The following STAG1 variants were observed in gnomAD, a reference collection of about 807,000 sequenced individuals.
STAG1 encodes the protein cohesin subunit SA-1.
Under a neutral mutation model 170.9 loss-of-function variants are expected in STAG1, and 26 were observed. The ratio of observed to expected loss-of-function variants is 0.15; its 90% CI spans 0.11 to 0.21. The LOEUF is 0.21. STAG1 is among the 10% of genes least tolerant of loss of function. The pLI is 1.00. For synonymous variants in STAG1, 514 were observed against 497.7 expected, an observed-to-expected ratio of 1.03 and a Z score of -0.44; for missense variants, 964 against 1,509.5, an observed-to-expected ratio of 0.64 and a Z score of 5.99.
chr3:136,734,921 T>C (rs867625779), intron 1 of STAG1, among the ~76,000 whole-genome samples: 5 of 152,214 alleles, frequency 3.3e-5, no homozygotes, highest in South Asian at 2.1e-4. Context: ...AAATACCTCA[T>C]GATCTCACTT....
At chr3:136,708,598 T>C (rs1252255882) in intron 1 of STAG1, among the ~76,000 whole-genome samples, 1 of 152,122 alleles carries the variant, frequency 6.6e-6, no homozygotes, top group East Asian at 1.9e-4. Flanking sequence ...TACTTCAAAA[T>C]GGTTAAATAT....
At chr3:136,603,612 C>T (rs911865240) in intron 4 of STAG1, among the ~76,000 whole-genome samples, 2 of 152,124 alleles carry the variant, frequency 1.3e-5, no homozygotes, top group South Asian at 2.1e-4. Context: ...TGGCCGGGCG[C>T]GGTGGCTCAC....
intron 21 of STAG1, among the ~76,000 whole-genome samples, chr3:136,416,562 G>A (rs920991820): frequency 2.0e-5 from 3 of 152,186 alleles, no homozygotes; most frequent in Non-Finnish European, 4.4e-5. Flanking sequence ...AGGATAAAAA[G>A]AATATCTTAA....
At chr3:136,387,920 C>A (rs1387844948) in intron 22 of STAG1, among the ~76,000 whole-genome samples, 2 of 152,134 alleles carry the variant, frequency 1.3e-5, no homozygotes, top group African/African-American at 2.4e-5. Context: ...ACTGTTAGGA[C>A]CAAAGTGAGA....
At chr3:136,612,157 T>C (rs1220542804) in intron 3 of STAG1, among the ~76,000 whole-genome samples, 1 of 152,126 alleles carries the variant, frequency 6.6e-6, no homozygotes, top group African/African-American at 2.4e-5. Context: ...TATGTGTGGA[T>C]TTTTTATATG....
intron 22 of STAG1, among the ~76,000 whole-genome samples, chr3:136,394,033 C>G (rs2108332308): frequency 6.6e-6 from 1 of 152,296 alleles, no homozygotes; most frequent in Non-Finnish European, 1.5e-5. Flanking sequence ...TTCTGAGTAG[C>G]TGGGACTACA....
At chr3:136,746,699 C>T (rs1934950376) in intron 1 of STAG1, among the ~76,000 whole-genome samples, 1 of 152,142 alleles carries the variant, frequency 6.6e-6, no homozygotes, top group South Asian at 2.1e-4. Flanking sequence ...GGCGCAGTGG[C>T]TCACTTTGGG....
At position 136,369,252 on chromosome 3, in the gene STAG1, T is replaced by C. The variant is rs759632937; in HGVS notation, c.2401A>G (p.Ile801Val). The C allele has an allele frequency of 1.3e-6, 2 of 1,599,794 alleles. No individual in the cohort carries two copies. The highest frequency in any genetic ancestry group is 1.7e-6 in the Non-Finnish European group (2 of 1,176,562). The change falls in exon 24 of 34, where the codon ATT becomes GTT. Residue 801 changes from isoleucine to valine, a missense_variant. By Grantham distance (29) the Ile-to-Val change is conservative (BLOSUM62 3). Around this residue, in one of 11 missense-constraint regions of STAG1, gnomAD observed 232 missense variants for 313.0 expected, o/e 0.74. Coordinates refer to ENST00000383202, the MANE Select transcript of STAG1 (RefSeq NM_005862.3). ...CCTGTCATTAATTGGTGGCTGAAAA[T>C]CATCAGAAGATCACAGAGTAACATG... ...AFMLLCDLLM[I>V]FSHQLMTGGR...
rs566473619 is a variant in STAG1 at position 136,573,632 on chromosome 3, A to T, written c.298-4771T>A. On this transcript the variant is annotated intron_variant, in intron 4 of 33. Coordinates refer to ENST00000383202, the MANE Select transcript of STAG1 (RefSeq NM_005862.3). The stretch of plus-strand genomic sequence containing the variant: ...AGACTAAAAAACTAAAACAAAAAAT[A>T]AAAAAAAAACCAACCTCATGAAAGA... Among the ~76,000 whole-genome samples, 8 of 149,642 alleles carry T rather than the reference A, an allele frequency of 5.3e-5. No individual in the cohort carries two copies. In the East Asian group the frequency reaches 7.8e-4, roughly 15 times the overall value.
chr3:136,627,155 A>C (rs1940141325), intron 2 of STAG1, among the ~76,000 whole-genome samples: 1 of 152,246 alleles, frequency 6.6e-6, no homozygotes, highest in Non-Finnish European at 1.5e-5. Flanking sequence ...CAGTCAGCTT[A>C]AACAGTGAGA....
chr3:136,421,210 T>C (rs923292364), intron 19 of STAG1, 47 bp from the exon 20 acceptor site: 2 of 1,278,956 alleles, frequency 1.6e-6, no homozygotes, highest in Non-Finnish European at 2.2e-6. Flanking sequence ...ACTCACCTTA[T>C]AGTATATTAC....
At position 136,553,123 on chromosome 3, in the gene STAG1, G is replaced by A. The variant is rs80196962; in HGVS notation, c.395-10928C>T. On this transcript the variant is annotated intron_variant, in intron 5 of 33. Transcript: ENST00000383202. The stretch of plus-strand genomic sequence containing the variant: ...AAATACAAGTTTGAATATCCACAGG[G>A]GAACAATTCCATGGACCAAGTAGTT... Among the ~76,000 whole-genome samples, 1,094 of 152,066 alleles carry A rather than the reference G, an allele frequency of 7.2e-3. 21 individuals are homozygous for A. Among genetic ancestry groups the A allele is most frequent in the African/African-American group, 0.024 (986 of 41,468 alleles).
chr3:136,750,351 T>C (rs547484407), intron 1 of STAG1, among the ~76,000 whole-genome samples: 6 of 152,132 alleles, frequency 3.9e-5, no homozygotes, highest in African/African-American at 1.4e-4. Flanking sequence ...GGCTCAAAGG[T>C]AACACCCTGA....
At chr3:136,456,457 T>C (rs2089115098) in intron 13 of STAG1, among the ~76,000 whole-genome samples, 1 of 152,148 alleles carries the variant, frequency 6.6e-6, no homozygotes, top group South Asian at 2.1e-4. Context: ...TGAAATTACC[T>C]AGTCAGAAGA....
chr3:136,531,375 G>A lies in STAG1; in HGVS notation c.472-9958C>T, dbSNP rs367883141. ...GGCGATTCCTCAGGGATCTAGAACTGGAAATACCATTTGACCCAGCCATCC... is the reference window on the plus strand; with the variant it reads ...GGCGATTCCTCAGGGATCTAGAACTAGAAATACCATTTGACCCAGCCATCC... On this transcript the variant is annotated intron_variant, in intron 6 of 33. Transcript: ENST00000383202. Among the ~76,000 whole-genome samples the A allele has an allele frequency of 5.3e-5, 8 of 150,956 alleles. No individual in the cohort carries two copies. The East Asian group carries it at 5.8e-4, about 11-fold the overall frequency.
intron 21 of STAG1, among the ~76,000 whole-genome samples, chr3:136,399,824 T>C (rs1286234309): frequency 2.0e-5 from 3 of 152,182 alleles, no homozygotes; most frequent in African/African-American, 7.2e-5. Context: ...CTCAATACTA[T>C]CATATTAGAA....
chr3:136,564,963 GAGGAAGGAAGGA>G (rs546552313), intron 5 of STAG1, among the ~76,000 whole-genome samples: 42 of 37,744 alleles, frequency 1.1e-3, no homozygotes, highest in East Asian at 4.0e-3. Context: ...ACATGTGTAT[GAGGAAGGAAGGA>G]AGGAAGGAAG....
At chr3:136,343,402 T>C (rs886773154) in intron 30 of STAG1, among the ~76,000 whole-genome samples, 5 of 152,186 alleles carry the variant, frequency 3.3e-5, no homozygotes, top group African/African-American at 1.2e-4. Flanking sequence ...GAAGTTTGAG[T>C]TTAAAATGTA....
chr3:136,604,660 T>C (rs1159896975), intron 3 of STAG1, among the ~76,000 whole-genome samples, 187 bp from the exon 4 acceptor site: 1 of 152,094 alleles, frequency 6.6e-6, no homozygotes, highest in African/African-American at 2.4e-5. Flanking sequence ...TAACTTTCTT[T>C]TGTTTTTTGA....
Sources: gnomAD v4.1 joint callset for allele counts (sites outside exome capture counted in the v4.1 genomes callset) on GRCh38, gnomAD v4.1.1 for gene constraint, gnomAD v4.1.1 regional missense constraint, MANE v1.5 for transcripts, NCBI Gene and HGNC (gene_info 2026-07-23, HGNC 2026-07-21) for gene names.